Variants in CALHM1 observed in about 807,000 individuals in gnomAD.
The protein encoded by CALHM1 is calcium homeostasis modulator 1, also known as calcium homeostasis modulator protein 1.
CALHM1 carries 11 observed loss-of-function variants against 14.8 expected under a neutral mutation model. The ratio of observed to expected loss-of-function variants is 0.74; its 90% confidence interval spans 0.47 to 1.23. The LOEUF is 1.23. Ranked by LOEUF, CALHM1 falls within the 50% of genes most tolerant of loss-of-function variation. The probability of loss-of-function intolerance (pLI) is 0.00; values close to 1 mark genes in which losing one functional copy is unlikely to be tolerated. For synonymous variants in CALHM1, 215 were observed against 218.9 expected, an observed-to-expected ratio of 0.98 and a Z score of 0.16; for missense variants, 458 against 496.4, an observed-to-expected ratio of 0.92 and a Z score of 0.74.
At chr10:103,456,707 G>T (rs1400360054) in intron 1 of CALHM1, among the ~76,000 whole-genome samples, 1 of 152,230 alleles carries the variant, frequency 6.6e-6, no homozygotes, top group Admixed American at 6.5e-5. Context: ...GAGTACACGC[G>T]GGCCTGGTGG....
intron 1 of CALHM1, among the ~76,000 whole-genome samples, chr10:103,456,975 T>G (rs989442086): frequency 1.3e-5 from 2 of 152,120 alleles, no homozygotes; most frequent in Non-Finnish European, 2.9e-5. Context: ...TTTCTTTTCT[T>G]TTTTGGAGAC....
Position 103,458,056 on chromosome 10 carries a change from G to A in CALHM1, c.555+141C>T. ...GGGCAGATGCGTGGCTCTGCCTTCA[G>A]CCTCAGTTGGGAAGATGCCCCCCAC... On this transcript the variant is annotated intron_variant, in intron 1 of 1. Transcript: ENST00000329905. The surrounding 1 kb of genome is among the most constrained non-coding windows in gnomAD (Gnocchi z 4.9). The A allele has an allele frequency of 9.9e-7, 1 of 1,009,590 alleles. No individual in the cohort carries two copies. Among genetic ancestry groups the A allele is most frequent in the Non-Finnish European group, 1.5e-6 (1 of 688,986 alleles). The allele number at this position is 1,009,590 out of a possible 1,614,324, so 62.5% of individuals were successfully genotyped here.
intron 1 of CALHM1, among the ~76,000 whole-genome samples, chr10:103,457,417 G>C (rs1353358347): frequency 2.0e-5 from 3 of 152,240 alleles, no homozygotes. Flanking sequence ...AGAGGCCCCT[G>C]CTAGAGTGGG....
chr10:103,457,583 G>T (rs972850294), intron 1 of CALHM1, among the ~76,000 whole-genome samples: 5 of 152,224 alleles, frequency 3.3e-5, no homozygotes, highest in African/African-American at 1.2e-4. Flanking sequence ...CACTGACTGG[G>T]TTGGAGAAGG....
intron 1 of CALHM1, among the ~76,000 whole-genome samples, chr10:103,457,475 C>T (rs1053665513): frequency 1.3e-5 from 2 of 152,218 alleles, no homozygotes; most frequent in Admixed American, 6.5e-5. Flanking sequence ...CACGTTTCTC[C>T]AGTCCTTGCA....
Position 103,455,270 on chromosome 10 carries a change from T to G in CALHM1, c.1033A>C (p.Lys345Gln). ...PRKEVATYFS[K>Q]V ...CTTCAGCTGGCCACACCTCACACTTTGCTGAAGTAGGTGGCCACCTCCTTA... is the reference window on the plus strand; with the variant it reads ...CTTCAGCTGGCCACACCTCACACTTGGCTGAAGTAGGTGGCCACCTCCTTA... Residue 345 changes from lysine to glutamine, a missense_variant, in exon 2 of 2, where the codon AAA becomes CAA. Lys to Gln is a moderately conservative substitution (Grantham distance 53, BLOSUM62 1). Transcript: ENST00000329905. 1 of 1,602,636 alleles carries G rather than the reference T, an allele frequency of 6.2e-7. No homozygotes were observed. The highest frequency in any genetic ancestry group is 8.5e-7 in the Non-Finnish European group (1 of 1,174,264).
rs370440184 is a variant in CALHM1, at chr10:103,458,179, A to G, written c.555+18T>C. The G allele has an allele frequency of 3.1e-5, 50 of 1,611,274 alleles. No homozygotes were observed. The African/African-American group carries it at 6.4e-4, about 21-fold the overall frequency. On this transcript the variant is annotated intron_variant, in intron 1 of 1. Coordinates refer to ENST00000329905, the MANE Select transcript of CALHM1 (RefSeq NM_001001412.4). This position sits in a 1 kb window ranked among gnomAD's most constrained non-coding sequence, Gnocchi z 4.9. The stretch of plus-strand genomic sequence containing the variant: ...GATCTGCCAGGGAGACCCAGCGTGA[A>G]GCCATGCGGCCCCTCACCTGGGAGA...
intron 1 of CALHM1, among the ~76,000 whole-genome samples, chr10:103,456,513 G>A (rs1229520006): frequency 6.6e-6 from 1 of 152,248 alleles, no homozygotes; most frequent in Non-Finnish European, 1.5e-5. Flanking sequence ...CACGGGGCAG[G>A]ATGCTCCCCT....
Position 103,458,768 on chromosome 10 carries a change from G to C in CALHM1, c.-17C>G. ...GTCCATCATGCCCGCTGTGGGGCCC[G>C]GCCTCCTCTTCCCAACTCACTGCTG... On this transcript the variant is annotated 5_prime_UTR_variant, in exon 1 of 2. Coordinates refer to ENST00000329905, the MANE Select transcript of CALHM1 (RefSeq NM_001001412.4). This position sits in a 1 kb window ranked among gnomAD's most constrained non-coding sequence, Gnocchi z 4.9. 3.8e-6 allele frequency: 6 copies of C among 1,583,650 alleles called. No individual in the cohort carries two copies. The highest frequency in any genetic ancestry group is 5.1e-6 in the Non-Finnish European group (6 of 1,165,942).
chr10:103,458,163 G>A lies in CALHM1; in HGVS notation c.555+34C>T, dbSNP rs199867788. 1.5e-3 allele frequency: 2,476 copies of A among 1,608,828 alleles called. 11 individuals are homozygous for A. The highest frequency in any genetic ancestry group is 8.4e-3 in the Middle Eastern group (51 of 6,048). On this transcript the variant is annotated intron_variant, in intron 1 of 1. Transcript: ENST00000329905. The surrounding 1 kb of genome is among the most constrained non-coding windows in gnomAD (Gnocchi z 4.9). ...CTCCCAGAGGGACCTTGATCTGCCA[G>A]GGAGACCCAGCGTGAAGCCATGCGG...
chr10:103,458,133 G>C lies in CALHM1; in HGVS notation c.555+64C>G. Reference sequence around the variant, plus strand: ...CCCCATTTTGAGAGGTAGGGGGATAGGGCCCTCCCAGAGGGACCTTGATCT... The same window carrying C: ...CCCCATTTTGAGAGGTAGGGGGATACGGCCCTCCCAGAGGGACCTTGATCT... On this transcript the variant is annotated intron_variant, in intron 1 of 1. Coordinates refer to ENST00000329905, the MANE Select transcript of CALHM1 (RefSeq NM_001001412.4). This position sits in a 1 kb window ranked among gnomAD's most constrained non-coding sequence, Gnocchi z 4.9. The C allele has an allele frequency of 6.4e-7, 1 of 1,573,732 alleles. No homozygotes were observed. Among genetic ancestry groups the C allele is most frequent in the Non-Finnish European group, 8.7e-7 (1 of 1,155,018 alleles).
chr10:103,458,873 A>G lies in CALHM1; in HGVS notation c.-122T>C. ...TCGGGCTCTCCTGGCTGGGACCAAC[A>G]GAGCTCAGAGCAGAGGCTGAGGTCA... On this transcript the variant is annotated 5_prime_UTR_variant, in exon 1 of 2. Coordinates refer to ENST00000329905, the MANE Select transcript of CALHM1 (RefSeq NM_001001412.4). This position sits in a 1 kb window ranked among gnomAD's most constrained non-coding sequence, Gnocchi z 4.9. 1.1e-6 allele frequency: 1 copy of G among 941,652 alleles called. No individual in the cohort carries two copies. The highest frequency in any genetic ancestry group is 1.5e-6 in the Non-Finnish European group (1 of 645,722). 58.3% of individuals were successfully genotyped at this position (941,652 alleles called of 1,614,324 possible). A position where few individuals can be genotyped will look rare whatever the true frequency, so the allele number is the denominator to read the frequency against.
rs1592157983 is a variant in CALHM1 at position 103,455,599 on chromosome 10, C to T, written c.704G>A (p.Cys235Tyr). 1 of 1,614,014 alleles carries T rather than the reference C, an allele frequency of 6.2e-7. No individual in the cohort carries two copies. The highest frequency in any genetic ancestry group is 8.5e-7 in the Non-Finnish European group (1 of 1,180,050). ...DIERKLFDETCTEHAKAFAKV... is the reference protein window; with the variant it reads ...DIERKLFDETYTEHAKAFAKV... ...GGCAAAGGCTTTGGCGTGCTCCGTG[C>T]ACGTCTCGTCGAAGAGCTTGCGCTC... is the stretch of plus-strand genomic sequence containing the variant. Residue 235 changes from cysteine (C) to tyrosine (Y), a missense_variant, in exon 2 of 2, where the codon TGC becomes TAC. Physicochemically the swap from Cys to Tyr is radical, Grantham distance 194. Transcript: ENST00000329905.
At position 103,455,695 on chromosome 10, in the gene CALHM1, C is replaced by A. The variant is rs753431247; in HGVS notation, c.608G>T (p.Arg203Leu). The A allele has an allele frequency of 1.2e-6, 2 of 1,613,148 alleles. No individual in the cohort carries two copies. The highest frequency in any genetic ancestry group is 1.3e-5 in the African/African-American group (1 of 74,924). Residue 203 changes from arginine (R) to leucine (L), a missense_variant, in exon 2 of 2, where the codon CGC becomes CTC. Physicochemically the swap from Arg to Leu is moderately radical, Grantham distance 102. Transcript: ENST00000329905. ...CTGCGTGAAGCAGGGCCGCACAGAG[C>A]GCACCACGAATGCCAGCAGAGTGGT... is the stretch of plus-strand genomic sequence containing the variant. The part of the protein sequence containing the change: ...LLTTLLAFVV[R>L]SVRPCFTQAA...
In CALHM1 at chr10:103,455,362, C is replaced by G. The variant is rs192144932; in HGVS notation, c.941G>C (p.Arg314Pro). The G allele has an allele frequency of 1.2e-6, 2 of 1,613,700 alleles. No individual in the cohort carries two copies. Among genetic ancestry groups the G allele is most frequent in the Admixed American group, 1.7e-5 (1 of 60,014 alleles). Residue 314 changes from arginine to proline, a missense_variant, in exon 2 of 2, where the codon CGG becomes CCG. Arg to Pro is a moderately radical substitution (Grantham distance 103). Transcript: ENST00000329905. ...TSWHKCKPPL[R>P]LGQEEPPLMG... ...CAGCGGTGGCTCCTCCTGGCCCAGCCGCAGAGGCGGTTTGCATTTGTGCCA... is the reference window on the plus strand; with the variant it reads ...CAGCGGTGGCTCCTCCTGGCCCAGCGGCAGAGGCGGTTTGCATTTGTGCCA...
intron 1 of CALHM1, among the ~76,000 whole-genome samples, chr10:103,457,094 C>G (rs1416785726): frequency 1.3e-5 from 2 of 152,214 alleles, no homozygotes; most frequent in Non-Finnish European, 1.5e-5. Context: ...ACATCGTACC[C>G]GGCCCATTCT....
At position 103,455,687 on chromosome 10, in the gene CALHM1, G is replaced by T. The variant is rs375270464; in HGVS notation, c.616C>A (p.Arg206=). ...TLLAFVVRSV[R]PCFTQAAFLK... is the part of the protein sequence containing the mutation. ...AAGGCGGCCTGCGTGAAGCAGGGCC[G>T]CACAGAGCGCACCACGAATGCCAGC... Residue 206 remains arginine (R), a synonymous_variant, in exon 2 of 2, where the codon CGG becomes AGG. Coordinates refer to ENST00000329905, the MANE Select transcript of CALHM1 (RefSeq NM_001001412.4). 3 of 1,613,330 alleles carry T rather than the reference G, an allele frequency of 1.9e-6. No individual in the cohort carries two copies. Among genetic ancestry groups the T allele is most frequent in the Non-Finnish European group, 1.7e-6 (2 of 1,180,028 alleles).
Position 103,458,842 on chromosome 10 carries a change from C to T in CALHM1, c.-91G>A, listed in dbSNP as rs1180065689. On this transcript the variant is annotated 5_prime_UTR_variant, in exon 1 of 2. The change abolishes an upstream ATG in the 5' untranslated region. Coordinates refer to ENST00000329905, the MANE Select transcript of CALHM1 (RefSeq NM_001001412.4). This position sits in a 1 kb window ranked among gnomAD's most constrained non-coding sequence, Gnocchi z 4.9. ...CACCCTGCCCACTGGGTGCCCACCTCATGACTCGGGCTCTCCTGGCTGGGA... is the reference window on the plus strand; with the variant it reads ...CACCCTGCCCACTGGGTGCCCACCTTATGACTCGGGCTCTCCTGGCTGGGA... 1.5e-6 allele frequency: 2 copies of T among 1,338,604 alleles called. No individual in the cohort carries two copies. The highest frequency in any genetic ancestry group is 1.5e-5 in the African/African-American group (1 of 68,326). 82.9% of individuals were successfully genotyped at this position (1,338,604 alleles called of 1,614,324 possible).
At position 103,454,868 on chromosome 10, in the gene CALHM1, G is replaced by A; in HGVS notation, c.*394C>T. 1 of 213,132 alleles carries A rather than the reference G, an allele frequency of 4.7e-6. No individual in the cohort carries two copies. Among genetic ancestry groups the A allele is most frequent in the Non-Finnish European group, 9.3e-6 (1 of 107,812 alleles). The allele number at this position is 213,132 out of a possible 1,614,324, so 13.2% of individuals were successfully genotyped here. A position where few individuals can be genotyped will look rare whatever the true frequency, so the allele number is the denominator to read the frequency against. On this transcript the variant is annotated 3_prime_UTR_variant, in exon 2 of 2. Coordinates refer to ENST00000329905, the MANE Select transcript of CALHM1 (RefSeq NM_001001412.4). ...TCCCCGAGCCCGGAGCATAAAGGAA[G>A]AGAGGTACTGAACAGCCACAGACGA...
Sources: allele counts gnomAD v4.1 joint callset (sites outside exome capture counted in the v4.1 genomes callset), GRCh38; gene constraint gnomAD v4.1.1; non-coding constraint Gnocchi (gnomAD v3.1); transcripts MANE v1.5; gene names NCBI Gene and HGNC (gene_info 2026-07-23, HGNC 2026-07-21).